Variants in KIF11 observed in about 807,000 individuals in gnomAD.
KIF11 encodes kinesin family member 11.
A neutral mutation model predicts 121.0 loss-of-function variants in KIF11; 9 were observed. The observed-to-expected ratio is 0.07, with a 90% CI of 0.04 to 0.13. The LOEUF (loss-of-function observed/expected upper bound fraction) is 0.13. KIF11 is among the 10% of genes least tolerant of loss of function. The pLI is 1.00. For missense variants in KIF11, 846 were observed against 1,217.5 expected, an observed-to-expected ratio of 0.69 and a Z score of 4.54; for synonymous variants, 408 against 421.0, an observed-to-expected ratio of 0.97 and a Z score of 0.38.
rs1278393380 is a variant in KIF11 at position 92,613,519 on chromosome 10, A to T, written c.932A>T (p.Tyr311Phe). 1.2e-6 allele frequency: 2 copies of T among 1,612,888 alleles called. No individual in the cohort carries two copies. The highest frequency in any genetic ancestry group is 1.1e-5 in the South Asian group (1 of 91,052). ...GTAGAAAGAACACCTCATGTTCCTT[A>T]TCGAGAATCTAAACTAACTAGAATC... is the stretch of plus-strand genomic sequence containing the variant. ...ALVERTPHVP[Y>F]RESKLTRILQ... The change falls in exon 8 of 22, where the codon TAT becomes TTT. Residue 311 changes from tyrosine (Y) to phenylalanine (F), a missense_variant. Physicochemically the swap from Tyr to Phe is conservative, Grantham distance 22 (BLOSUM62 3). Transcript: ENST00000260731. The surrounding 1 kb of genome is among the most constrained non-coding windows in gnomAD (Gnocchi z 4.2).
In KIF11 at chr10:92,648,267, G is replaced by A; in HGVS notation, c.2603G>A (p.Gly868Glu). The A allele has an allele frequency of 6.2e-7, 1 of 1,613,910 alleles. No homozygotes were observed. Among genetic ancestry groups the A allele is most frequent in the Non-Finnish European group, 8.5e-7 (1 of 1,179,866 alleles). The change falls in exon 19 of 22, where the codon GGA becomes GAA. Residue 868 changes from glycine (G) to glutamate (E), a missense_variant. Physicochemically the swap from Gly to Glu is moderately conservative, Grantham distance 98. Transcript: ENST00000260731. Reference protein sequence around the residue: ...SSSDITEKSDGRKAAHEKQHN... With the variant: ...SSSDITEKSDERKAAHEKQHN... ...TCAGACATCACTGAGAAATCAGATG[G>A]ACGTAAGGCAGCTCATGAGAAACAG...
chr10:92,647,409 C>T (rs1253452086), intron 18 of KIF11, among the ~76,000 whole-genome samples: 1 of 152,162 alleles, frequency 6.6e-6, no homozygotes, highest in Non-Finnish European at 1.5e-5. Context: ...GGCCCTTTCA[C>T]TCCAAAAGGT....
At chr10:92,643,323 A>G (rs753011752) in intron 17 of KIF11, among the ~76,000 whole-genome samples, 36 of 152,146 alleles carry the variant, frequency 2.4e-4, no homozygotes, top group African/African-American at 8.0e-4. Flanking sequence ...TAAAGTATAC[A>G]TTTTAAGATA....
intron 1 of KIF11, among the ~76,000 whole-genome samples, chr10:92,595,272 C>A (rs1331207970): frequency 2.0e-5 from 3 of 152,210 alleles, no homozygotes; most frequent in African/African-American, 7.2e-5. Context: ...GTTGGCCAGG[C>A]TGGTCTCGAA....
At chr10:92,631,706 TGCTTTGTA>T (rs1844741019) in intron 12 of KIF11, among the ~76,000 whole-genome samples, 1 of 151,598 alleles carries the variant, frequency 6.6e-6, no homozygotes, top group South Asian at 2.1e-4. Context: ...GACAGACTCT[TGCTTTGTA>T]GCCCAGGCTG....
chr10:92,625,315 G>A (rs987827750), intron 10 of KIF11, among the ~76,000 whole-genome samples: 3 of 149,348 alleles, frequency 2.0e-5, no homozygotes, highest in African/African-American at 7.4e-5. Context: ...CCACATATAT[G>A]TCTTCTTTTG....
At chr10:92,651,502 ATTTTGTTTTTTTTTTT>A (rs1844979709) in intron 21 of KIF11, among the ~76,000 whole-genome samples, 4 of 21,554 alleles carry the variant, frequency 1.9e-4, no homozygotes, top group Admixed American at 6.4e-4. Flanking sequence ...TGCCTGGCTA[ATTTTGTTTTTTTTTTT>A]TTTTTTTTTT....
chr10:92,608,516 G>A (rs2135902017), intron 4 of KIF11, among the ~76,000 whole-genome samples: 1 of 150,524 alleles, frequency 6.6e-6, no homozygotes, highest in East Asian at 2.0e-4. Context: ...TTGGCTCACT[G>A]CAACCTCCAC....
At chr10:92,606,111 G>A (rs1462043728) in intron 1 of KIF11, among the ~76,000 whole-genome samples, 154 bp from the exon 2 acceptor site, 1 of 152,298 alleles carries the variant, frequency 6.6e-6, no homozygotes, top group East Asian at 1.9e-4. Context: ...TTTACTGTCT[G>A]CTTTAGCAAT....
chr10:92,614,373 A>G (rs147634101), intron 8 of KIF11, among the ~76,000 whole-genome samples: 5,189 of 152,222 alleles, frequency 0.034, 139 homozygotes, highest in Admixed American at 0.06. Context: ...CTAGGATTAC[A>G]CGCGTGTGCC....
rs898339411 is a variant in KIF11, at chr10:92,595,585, A to G, written c.77+2133A>G. ...AAAGTCATTTTCAAACACACATAATATAAAATTTAACATCTTAACCACTTT... is the reference window on the plus strand; with the variant it reads ...AAAGTCATTTTCAAACACACATAATGTAAAATTTAACATCTTAACCACTTT... On this transcript the variant is annotated intron_variant, in intron 1 of 21. Transcript: ENST00000260731. 2.6e-5 allele frequency among the ~76,000 whole-genome samples: 4 copies of G among 152,128 alleles called. No homozygotes were observed. In the East Asian group the frequency reaches 5.8e-4, roughly 22 times the overall value.
chr10:92,622,363 C>T (rs1460465692), intron 10 of KIF11, among the ~76,000 whole-genome samples: 1 of 152,016 alleles, frequency 6.6e-6, no homozygotes, highest in African/African-American at 2.4e-5. Context: ...GCCTGTAATC[C>T]CAGCACTTTG....
At chr10:92,602,462 T>A (rs1844382377) in intron 1 of KIF11, among the ~76,000 whole-genome samples, 2 of 152,174 alleles carry the variant, frequency 1.3e-5, no homozygotes, top group Admixed American at 1.3e-4. Flanking sequence ...CCATTCAGAA[T>A]TTCCATTTCT....
In KIF11 at chr10:92,645,715, T is replaced by C. The variant is rs534661435; in HGVS notation, c.2547+73T>C. 5.6e-4 allele frequency: 649 copies of C among 1,160,762 alleles called. 1 individual carries two copies. The highest frequency in any genetic ancestry group is 7.5e-4 in the Non-Finnish European group (611 of 819,892). The allele number at this position is 1,160,762 out of a possible 1,614,324, so 71.9% of individuals were successfully genotyped here. A position where few individuals can be genotyped will look rare whatever the true frequency, so the allele number is the denominator to read the frequency against. Reference sequence around the variant, plus strand: ...AAAGTTAAATATTCTTGGCTAAGAATAGATTTCAAAACAAATGATATTTTA... The same window carrying C: ...AAAGTTAAATATTCTTGGCTAAGAACAGATTTCAAAACAAATGATATTTTA... On this transcript the variant is annotated intron_variant, in intron 18 of 21. Transcript: ENST00000260731.
chr10:92,651,133 C>A (rs12359115), intron 21 of KIF11, among the ~76,000 whole-genome samples: 2 of 151,988 alleles, frequency 1.3e-5, no homozygotes, highest in Non-Finnish European at 2.9e-5. Context: ...TCAAGTGATT[C>A]TCCTGACTCA....
intron 1 of KIF11, among the ~76,000 whole-genome samples, chr10:92,600,791 C>T (rs567688881): frequency 8.5e-5 from 13 of 152,144 alleles, no homozygotes; most frequent in East Asian, 1.9e-4. Context: ...TGAGCCACCA[C>T]GCCCGGCCAG....
chr10:92,603,429 T>C (rs1189161564), intron 1 of KIF11, among the ~76,000 whole-genome samples: 1 of 149,886 alleles, frequency 6.7e-6, no homozygotes, highest in Admixed American at 6.7e-5. Context: ...TGAGATGGAG[T>C]CTCACTCTTT....
At chr10:92,630,419 A>C in intron 12 of KIF11, 55 bp downstream of exon 12, 1 of 1,100,406 alleles carries the variant, frequency 9.1e-7, no homozygotes, top group Non-Finnish European at 1.2e-6. Context: ...GGTAGAAAAA[A>C]TTTTCTGTGC....
At chr10:92,620,117 G>A (rs1204511898) in intron 9 of KIF11, among the ~76,000 whole-genome samples, 1 of 127,426 alleles carries the variant, frequency 7.8e-6, no homozygotes, top group Non-Finnish European at 1.6e-5. Flanking sequence ...GTCTCGCTCT[G>A]TTGCCCAGGC....
Sources: allele counts gnomAD v4.1 joint callset (sites outside exome capture counted in the v4.1 genomes callset), GRCh38; gene constraint gnomAD v4.1.1; non-coding constraint Gnocchi (gnomAD v3.1); transcripts MANE v1.5; gene names NCBI Gene and HGNC (gene_info 2026-07-23, HGNC 2026-07-21).